Variants in NPFFR2 observed in about 807,000 individuals in gnomAD.
NPFFR2 encodes neuropeptide FF receptor 2, also known as G-protein coupled receptor 74.
A neutral mutation model predicts 13.1 loss-of-function variants in NPFFR2; 15 were observed. The ratio of observed to expected loss-of-function variants is 1.15; its 90% CI spans 0.77 to 1.76. The LOEUF (loss-of-function observed/expected upper bound fraction) is 1.76. NPFFR2 is among the 40% of genes most tolerant of loss of function. The pLI, the probability that NPFFR2 is intolerant of heterozygous loss-of-function variation, is 0.00. For missense variants in NPFFR2, 572 were observed against 503.5 expected (o/e 1.14, Z -1.30); for synonymous variants, 190 against 175.7 (o/e 1.08, Z -0.65).
intron 1 of NPFFR2, among the ~76,000 whole-genome samples, chr4:72,070,731 C>T (rs976335190): frequency 6.6e-6 from 1 of 151,998 alleles, no homozygotes; most frequent in Non-Finnish European, 1.5e-5. Context: ...ACAACTTTCA[C>T]ACACTTTATA....
intron 2 of NPFFR2, among the ~76,000 whole-genome samples, chr4:72,132,987 C>T (rs753887260): frequency 6.6e-6 from 1 of 152,062 alleles, no homozygotes; most frequent in Non-Finnish European, 1.5e-5. Flanking sequence ...CATGTGGAAG[C>T]TCTTTAGTTT....
In NPFFR2 at chr4:72,068,725, G is replaced by A. The variant is rs142309380; in HGVS notation, c.-8+36525G>A. 3.3e-5 allele frequency among the ~76,000 whole-genome samples: 5 copies of A among 152,230 alleles called. No homozygotes were observed. The East Asian group carries it at 9.6e-4, about 29-fold the overall frequency. ...AGATCAATTTCCATAGAAAAAAATT[G>A]GAAGGGGATTAGCAGATGGATTCAG... On this transcript the variant is annotated intron_variant, in intron 1 of 3. Transcript: ENST00000308744.
chr4:72,035,510 A>G (rs1385349615), intron 1 of NPFFR2, among the ~76,000 whole-genome samples: 2 of 152,202 alleles, frequency 1.3e-5, no homozygotes, highest in African/African-American at 4.8e-5. Context: ...CCCCCTAAAA[A>G]AGTCAAAGTG....
rs531627431 is a variant in NPFFR2, at chr4:72,147,776, A to G, written c.1227A>G (p.Glu409=). The stretch of plus-strand genomic sequence containing the variant: ...AACCCCAACAGGAATTAGTGATGGA[A>G]GAATTAAAAGAAACTACTAACAGCA... ...AEKPQQELVM[E]ELKETTNSSE... The change falls in exon 4 of 4, where the codon GAA becomes GAG. Residue 409 remains glutamate (E), a synonymous_variant. Transcript: ENST00000308744. 3.1e-5 allele frequency: 49 copies of G among 1,584,832 alleles called. No homozygotes were observed. Among genetic ancestry groups the G allele is most frequent in the South Asian group, 1.4e-4 (12 of 85,072 alleles).
chr4:72,056,261 C>T (rs1247055566), intron 1 of NPFFR2, among the ~76,000 whole-genome samples: 1 of 151,900 alleles, frequency 6.6e-6, no homozygotes, highest in African/African-American at 2.4e-5. Flanking sequence ...TCCAAAACCC[C>T]TAAGTTCCTT....
At chr4:72,032,588 C>A (rs1050860801) in intron 1 of NPFFR2, among the ~76,000 whole-genome samples, 1 of 152,216 alleles carries the variant, frequency 6.6e-6, no homozygotes, top group African/African-American at 2.4e-5. Context: ...TGCTTCTAAG[C>A]AATGATCTTT....
chr4:72,142,896 C>T (rs1722675738), intron 3 of NPFFR2, among the ~76,000 whole-genome samples: 1 of 152,186 alleles, frequency 6.6e-6, no homozygotes, highest in Admixed American at 6.5e-5. Flanking sequence ...AGGCTACAAT[C>T]TGGCGGAGCA....
intron 1 of NPFFR2, among the ~76,000 whole-genome samples, chr4:72,064,179 G>T (rs4627829): frequency 0.89 from 136,194 of 152,250 alleles, 61,969 homozygotes; most frequent in Non-Finnish European, 0.98. Flanking sequence ...AAAACTTACT[G>T]GCTTAAAAAC....
chr4:72,128,830 C>T lies in NPFFR2; in HGVS notation c.239C>T (p.Thr80Ile). Residue 80 changes from threonine to isoleucine, a missense_variant, in exon 2 of 4, where the codon ACT becomes ATT. Transcript: ENST00000308744. ...VMRNKHMHTV[T>I]NLFILNLAIS... ...AGGAACAAACATATGCACACAGTCACTAATCTCTTCATCTTAAACCTGGCC... is the reference window on the plus strand; with the variant it reads ...AGGAACAAACATATGCACACAGTCATTAATCTCTTCATCTTAAACCTGGCC... The T allele has an allele frequency of 6.2e-7, 1 of 1,614,116 alleles. No individual in the cohort carries two copies. The highest frequency in any genetic ancestry group is 8.5e-7 in the Non-Finnish European group (1 of 1,179,978).
intron 1 of NPFFR2, among the ~76,000 whole-genome samples, chr4:72,100,755 T>C (rs769133569): frequency 6.6e-6 from 1 of 152,090 alleles, no homozygotes; most frequent in Non-Finnish European, 1.5e-5. Flanking sequence ...AAATATGTTA[T>C]CTGAACACAG....
At chr4:72,055,260 G>C (rs1461371889) in intron 1 of NPFFR2, among the ~76,000 whole-genome samples, 1 of 151,318 alleles carries the variant, frequency 6.6e-6, no homozygotes, top group Non-Finnish European at 1.5e-5. Flanking sequence ...CAAGCGCATA[G>C]GCTCACTTCG....
chr4:72,049,965 G>A (rs1016192080), intron 1 of NPFFR2, among the ~76,000 whole-genome samples: 2 of 152,024 alleles, frequency 1.3e-5, no homozygotes, highest in African/African-American at 4.8e-5. Context: ...AGCCCCTAAG[G>A]GTGGGGGTCA....
chr4:72,094,806 A>G (rs1177175425), intron 1 of NPFFR2, among the ~76,000 whole-genome samples: 1 of 152,154 alleles, frequency 6.6e-6, no homozygotes, highest in African/African-American at 2.4e-5. Flanking sequence ...GCAACAATCC[A>G]TCCACTTCAA....
At chr4:72,070,777 AG>A (rs1720229546) in intron 1 of NPFFR2, among the ~76,000 whole-genome samples, 1 of 152,134 alleles carries the variant, frequency 6.6e-6, no homozygotes, top group Admixed American at 6.6e-5. Flanking sequence ...GATGTGTACA[AG>A]ATTGTTTATT....
intron 1 of NPFFR2, among the ~76,000 whole-genome samples, chr4:72,052,380 A>G (rs201459078): frequency 6.9e-6 from 1 of 143,974 alleles, no homozygotes; most frequent in East Asian, 2.0e-4. Flanking sequence ...TATAAACAGA[A>G]CCAAAGACAA....
chr4:72,112,894 A>G (rs984827560), intron 1 of NPFFR2, among the ~76,000 whole-genome samples: 5 of 151,966 alleles, frequency 3.3e-5, no homozygotes, highest in African/African-American at 1.2e-4. Context: ...TAATTATTAT[A>G]CCACATGAAA....
At chr4:72,074,439 AT>A (rs778046074) in intron 1 of NPFFR2, among the ~76,000 whole-genome samples, 10 of 152,228 alleles carry the variant, frequency 6.6e-5, no homozygotes, top group Non-Finnish European at 1.5e-4. Flanking sequence ...GTAGATAGCT[AT>A]AATTGCTCCA....
rs560795026 is a variant in NPFFR2 at position 72,136,575 on chromosome 4, A to C, written c.329-1465A>C. Among the ~76,000 whole-genome samples, 6 of 152,276 alleles carry C rather than the reference A, an allele frequency of 3.9e-5. No homozygotes were observed. In the South Asian group the frequency reaches 1.2e-3, roughly 32 times the overall value. On this transcript the variant is annotated intron_variant, in intron 2 of 3. Transcript: ENST00000308744. ...GAAATTCCCAACTGTAAAAATCTGC[A>C]TATCAGTGTTATTGAACAGGTCACT...
intron 1 of NPFFR2, among the ~76,000 whole-genome samples, chr4:72,082,973 G>A (rs182523270): frequency 9.2e-5 from 14 of 152,100 alleles, no homozygotes; most frequent in Admixed American, 7.9e-4. Flanking sequence ...CATCTGCGTT[G>A]TTGCAAATAA....
Sources: gnomAD v4.1 joint callset for allele counts (sites outside exome capture counted in the v4.1 genomes callset) on GRCh38, gnomAD v4.1.1 for gene constraint, MANE v1.5 for transcripts, NCBI Gene and HGNC (gene_info 2026-07-23, HGNC 2026-07-21) for gene names.